The following C13orf42 variants were observed in gnomAD, a reference collection of about 807,000 sequenced individuals.
The protein encoded by C13orf42 is uncharacterized protein C13orf42.
chr13:51,117,750 C>T (rs780748509), intron 1 of C13orf42, among the ~76,000 whole-genome samples: 6 of 152,080 alleles, frequency 3.9e-5, no homozygotes, highest in Non-Finnish European at 8.8e-5. Context: ...ATTAGAGTAT[C>T]AGTTTGGCTT....
intron 1 of C13orf42, among the ~76,000 whole-genome samples, chr13:51,110,449 C>A (rs187434648): frequency 2.7e-4 from 41 of 152,240 alleles, no homozygotes; most frequent in African/African-American, 9.6e-4. Context: ...TAAAAATAAA[C>A]ATGGATCAAG....
intron 1 of C13orf42, among the ~76,000 whole-genome samples, chr13:51,137,663 C>A (rs1000834052): frequency 6.6e-6 from 1 of 152,246 alleles, no homozygotes; most frequent in East Asian, 1.9e-4. Context: ...CTTCCTCCTC[C>A]TTTCCTCTTT....
intron 1 of C13orf42, among the ~76,000 whole-genome samples, chr13:51,145,343 T>C (rs2138033542): frequency 6.6e-6 from 1 of 152,278 alleles, no homozygotes; most frequent in Admixed American, 6.5e-5. Context: ...TTTCCAGGAT[T>C]GTTCTTTTGT....
Position 51,084,174 on chromosome 13 carries a change from G to A in C13orf42, c.955C>T (p.Leu319Phe), listed in dbSNP as rs552747013. The A allele has an allele frequency of 2.9e-4, 115 of 398,716 alleles. 2 individuals carry two copies. In the South Asian group the frequency reaches 4.1e-3, roughly 14 times the overall value. The allele number at this position is 398,716 out of a possible 1,614,324, so 24.7% of individuals were successfully genotyped here. A position where few individuals can be genotyped will look rare whatever the true frequency, so the allele number is the denominator to read the frequency against. ...PKGQWLLRER[L>F]WERTVP is the part of the protein sequence containing the mutation. ...AGTCAGGGCACCGTCCGCTCCCAAAGTCTTTCTCGAAGCAGCCACTGTCCT... is the reference window on the plus strand; with the variant it reads ...AGTCAGGGCACCGTCCGCTCCCAAAATCTTTCTCGAAGCAGCCACTGTCCT... The change falls in exon 4 of 4, where the codon CTT becomes TTT. Residue 319 changes from leucine (L) to phenylalanine (F), a missense_variant. Physicochemically the swap from Leu to Phe is conservative, Grantham distance 22. Transcript: ENST00000563710.
intron 1 of C13orf42, among the ~76,000 whole-genome samples, chr13:51,134,964 G>A (rs984730870): frequency 6.6e-6 from 1 of 152,236 alleles, no homozygotes; most frequent in Non-Finnish European, 1.5e-5. Context: ...CCTTGTGAAT[G>A]ACTGACTCCA....
intron 1 of C13orf42, among the ~76,000 whole-genome samples, chr13:51,090,380 G>A (rs1953169397): frequency 6.6e-6 from 1 of 152,030 alleles, no homozygotes; most frequent in Non-Finnish European, 1.5e-5. Context: ...AGAGATTTTT[G>A]GTGAAGTGGA....
At chr13:51,103,875 T>G (rs939128744) in intron 1 of C13orf42, among the ~76,000 whole-genome samples, 3 of 151,990 alleles carry the variant, frequency 2.0e-5, no homozygotes, top group African/African-American at 2.4e-5. Flanking sequence ...TACCATGGAC[T>G]GGGGAAAGGG....
intron 1 of C13orf42, among the ~76,000 whole-genome samples, chr13:51,118,517 A>G (rs1953509483): frequency 6.6e-6 from 1 of 152,210 alleles, no homozygotes; most frequent in African/African-American, 2.4e-5. Flanking sequence ...AGTCTTCCCT[A>G]GAATCAGGAG....
chr13:51,103,483 A>T (rs566378681), intron 1 of C13orf42, among the ~76,000 whole-genome samples: 2 of 152,198 alleles, frequency 1.3e-5, no homozygotes, highest in East Asian at 3.9e-4. Flanking sequence ...CGGGTGGATC[A>T]TGAGGCCAGG....
intron 1 of C13orf42, among the ~76,000 whole-genome samples, chr13:51,139,090 G>C (rs1394294909): frequency 6.6e-6 from 1 of 152,128 alleles, no homozygotes; most frequent in Non-Finnish European, 1.5e-5. Flanking sequence ...GCCGAGGTGG[G>C]TGGGTCGCTT....
At chr13:51,154,747 C>T (rs902084540) in intron 1 of C13orf42, among the ~76,000 whole-genome samples, 6 of 152,200 alleles carry the variant, frequency 3.9e-5, no homozygotes, top group Non-Finnish European at 8.8e-5. Flanking sequence ...TGCCAGACCT[C>T]GTTGAAGACA....
chr13:51,092,628 AATTAT>A (rs1402772844), intron 1 of C13orf42, among the ~76,000 whole-genome samples: 2 of 152,038 alleles, frequency 1.3e-5, no homozygotes, highest in Non-Finnish European at 2.9e-5. Context: ...CCATAAAAGA[AATTAT>A]ATTTTATCAT....
chr13:51,116,442 G>T (rs1480778436), intron 1 of C13orf42, among the ~76,000 whole-genome samples: 1 of 152,238 alleles, frequency 6.6e-6, no homozygotes, highest in African/African-American at 2.4e-5. Context: ...GAGCCCATAA[G>T]ACATTTTCAC....
Position 51,121,538 on chromosome 13 carries a change from C to CTTT in C13orf42, n.137-8319_137-8317dup, listed in dbSNP as rs374108603. ...AGTACTCTAGCCTGAAAAAAATTTT[C>CTTT]TTTTTTTTTTTTTTTGAGACAGAGT... On this transcript the variant is annotated intron_variant and non_coding_transcript_variant, in intron 1 of 4. Transcript: ENST00000433280. Among the ~76,000 whole-genome samples, 317 of 137,800 alleles carry CTTT rather than the reference C, an allele frequency of 2.3e-3. 5 individuals carry two copies. The highest frequency in any genetic ancestry group is 3.8e-3 in the Middle Eastern group (1 of 264). The allele number at this position is 137,800 out of a possible 152,430, so 90.4% of individuals were successfully genotyped here.
chr13:51,141,411 A>G (rs1336468391), intron 1 of C13orf42, among the ~76,000 whole-genome samples: 6 of 152,120 alleles, frequency 3.9e-5, no homozygotes, highest in African/African-American at 1.4e-4. Flanking sequence ...TACTTCCATC[A>G]GCAGGCCTAA....
At chr13:51,112,953 C>T (rs1401384948), upstream of C13orf42, among the ~76,000 whole-genome samples, 1 of 152,150 alleles carries the variant, frequency 6.6e-6, no homozygotes, top group Non-Finnish European at 1.5e-5. Flanking sequence ...TCAAAGCACC[C>T]GGGATGGGTA....
chr13:51,143,165 T>C (rs1953708562), intron 1 of C13orf42, among the ~76,000 whole-genome samples: 1 of 152,154 alleles, frequency 6.6e-6, no homozygotes, highest in African/African-American at 2.4e-5. Context: ...TCTTAAACAC[T>C]GACAGCAATT....
intron 1 of C13orf42, among the ~76,000 whole-genome samples, chr13:51,153,621 GTTTTTTTTCTTTTT>G (rs1216151022): frequency 2.9e-4 from 24 of 82,030 alleles, no homozygotes; most frequent in South Asian, 1.2e-3. Flanking sequence ...CTTGCTTTCT[GTTTTTTTTCTTTTT>G]TTTTTTTTTT....
intron 1 of C13orf42, among the ~76,000 whole-genome samples, chr13:51,166,894 CA>C (rs1391151816): frequency 6.6e-6 from 1 of 152,106 alleles, no homozygotes; most frequent in Non-Finnish European, 1.5e-5. Flanking sequence ...GCCTGGCCAA[CA>C]CAGTGAAACC....
Sources: allele counts gnomAD v4.1 joint callset (sites outside exome capture counted in the v4.1 genomes callset), GRCh38; gene constraint gnomAD v4.1.1; transcripts MANE v1.5; gene names NCBI Gene and HGNC (gene_info 2026-07-23, HGNC 2026-07-21).